ZFYVE27: variants seen among roughly 807,000 people sequenced by gnomAD.
ZFYVE27 encodes zinc finger FYVE-type containing 27.
Under a neutral mutation model 52.8 loss-of-function variants are expected in ZFYVE27, and 36 were observed. The observed-to-expected ratio is 0.68, with a 90% CI of 0.52 to 0.90. The LOEUF (loss-of-function observed/expected upper bound fraction) is 0.90, where lower values mean the gene tolerates loss of function less well. Ranked by LOEUF, ZFYVE27 falls within the 40% of genes least tolerant of loss-of-function variation. The pLI is 0.00. For missense variants in ZFYVE27, 450 were observed against 527.2 expected (o/e 0.85, Z 1.43); for synonymous variants, 223 against 215.6 (o/e 1.03, Z -0.30).
At chr10:97,754,834 C>A in intron 10 of ZFYVE27, 4 of 1,288,462 alleles carry the variant, frequency 3.1e-6, no homozygotes, top group Non-Finnish European at 4.0e-6. Flanking sequence ...AATAATTTGT[C>A]TATTTCTACA....
intron 2 of ZFYVE27, among the ~76,000 whole-genome samples, chr10:97,740,750 G>A (rs1014431543): frequency 5.3e-5 from 8 of 152,170 alleles, no homozygotes; most frequent in Non-Finnish European, 1.2e-4. Flanking sequence ...GTTAGTTTGT[G>A]CTTTTGATTG....
At chr10:97,748,183 C>T in intron 4 of ZFYVE27, 86 bp from the exon 5 acceptor site, 3 of 1,234,854 alleles carry the variant, frequency 2.4e-6, no homozygotes, top group East Asian at 4.7e-5. Context: ...GATTGACCAT[C>T]CCTAGCCAAC....
intron 11 of ZFYVE27, 124 bp from the exon 12 acceptor site, chr10:97,757,518 C>T (rs942613639): frequency 4.6e-6 from 6 of 1,305,842 alleles, no homozygotes; most frequent in African/African-American, 4.4e-5. Flanking sequence ...CTTTCCTGCT[C>T]CACTTGGGCA....
chr10:97,746,442 C>T (rs970748419), intron 4 of ZFYVE27, among the ~76,000 whole-genome samples: 3 of 152,152 alleles, frequency 2.0e-5, no homozygotes, highest in Admixed American at 1.3e-4. Flanking sequence ...ATGTTGGCTT[C>T]GTCTATCTCT....
chr10:97,745,787 T>C (rs1049153612), intron 4 of ZFYVE27, among the ~76,000 whole-genome samples: 2 of 152,218 alleles, frequency 1.3e-5, no homozygotes, highest in East Asian at 3.9e-4. Flanking sequence ...GAGGAAGCAT[T>C]TTAAGACTTG....
chr10:97,747,056 A>AT (rs1338544205), intron 4 of ZFYVE27, among the ~76,000 whole-genome samples: 5 of 152,060 alleles, frequency 3.3e-5, no homozygotes, highest in Admixed American at 1.3e-4. Flanking sequence ...ATCATGTTTA[A>AT]TTTTTTTATG....
At chr10:97,754,066 C>T (rs767206546) in intron 10 of ZFYVE27, among the ~76,000 whole-genome samples, 2 of 152,118 alleles carry the variant, frequency 1.3e-5, no homozygotes, top group Non-Finnish European at 2.9e-5. Flanking sequence ...AGGAAGGGCC[C>T]TCCTGCCTGC....
chr10:97,760,540 A>C lies in ZFYVE27; in HGVS notation c.*1240A>C, dbSNP rs1463152539. The C allele has an allele frequency of 6.6e-6, 1 of 152,324 alleles. No homozygotes were observed. The highest frequency in any genetic ancestry group is 1.5e-5 in the Non-Finnish European group (1 of 68,188). The allele number at this position is 152,324 out of a possible 1,614,324, so 9.4% of individuals were successfully genotyped here. ...AATTGGGGGTGGGGGTCTTCTACCTAGGACTCTTCCCTGGAGTCATGGGCT... is the reference window on the plus strand; with the variant it reads ...AATTGGGGGTGGGGGTCTTCTACCTCGGACTCTTCCCTGGAGTCATGGGCT... On this transcript the variant is annotated 3_prime_UTR_variant, in exon 13 of 13. Coordinates refer to ENST00000684270, the MANE Select transcript of ZFYVE27 (RefSeq NM_001385875.1).
In ZFYVE27 at chr10:97,759,413, C is replaced by G; in HGVS notation, c.*113C>G. 9.3e-7 allele frequency: 1 copy of G among 1,078,752 alleles called. No individual in the cohort carries two copies. The highest frequency in any genetic ancestry group is 2.5e-5 in the East Asian group (1 of 40,788). 66.8% of individuals were successfully genotyped at this position (1,078,752 alleles called of 1,614,324 possible). On this transcript the variant is annotated 3_prime_UTR_variant, in exon 13 of 13. Coordinates refer to ENST00000684270, the MANE Select transcript of ZFYVE27 (RefSeq NM_001385875.1). The stretch of plus-strand genomic sequence containing the variant: ...GTGCTGGGCAAATGTGGCCTGAATG[C>G]TAGGTAGGCTTCCCCTTCCTTCCTC...
rs2136444631 is a variant in ZFYVE27 at position 97,759,712 on chromosome 10, C to T, written c.*412C>T. On this transcript the variant is annotated 3_prime_UTR_variant, in exon 13 of 13. Transcript: ENST00000684270. ...TGAGGTTGGGAAAAGAGGTTTTTCT[C>T]CTGCAGGGTACTGGGCCAGGCCCTC... The T allele has an allele frequency of 3.3e-6, 1 of 301,698 alleles. No homozygotes were observed. The highest frequency in any genetic ancestry group is 3.2e-5 in the South Asian group (1 of 30,924). 18.7% of individuals were successfully genotyped at this position (301,698 alleles called of 1,614,324 possible).
Position 97,757,710 on chromosome 10 carries a change from C to T in ZFYVE27, c.1158C>T (p.Ser386=). 6.2e-7 allele frequency: 1 copy of T among 1,614,200 alleles called. No homozygotes were observed. Among genetic ancestry groups the T allele is most frequent in the Non-Finnish European group, 8.5e-7 (1 of 1,180,028 alleles). ...RCCSFKVPKS[S]MGATAPEAQR... The stretch of plus-strand genomic sequence containing the variant: ...GCTCCTTCAAGGTGCCCAAGTCCTC[C>T]ATGGGGGCCACAGGTGAGTGGTGCA... The change falls in exon 12 of 13, where the codon TCC becomes TCT. Residue 386 remains serine (S), a synonymous_variant. Transcript: ENST00000684270.
At chr10:97,754,608 C>T in intron 10 of ZFYVE27, 3 of 1,268,218 alleles carry the variant, frequency 2.4e-6, no homozygotes, top group Non-Finnish European at 3.1e-6. Flanking sequence ...AGCCACCACG[C>T]CCGGCCCCTT....
intron 2 of ZFYVE27, among the ~76,000 whole-genome samples, chr10:97,741,338 A>G (rs1056970466): frequency 6.6e-6 from 1 of 152,238 alleles, no homozygotes; most frequent in African/African-American, 2.4e-5. Flanking sequence ...CACTATTCAC[A>G]ATAGCAAAGA....
intron 5 of ZFYVE27, 82 bp from the exon 6 acceptor site, chr10:97,749,392 G>T: frequency 9.9e-7 from 1 of 1,005,144 alleles, no homozygotes; most frequent in Admixed American, 1.7e-5. Context: ...GTCTCACCTG[G>T]ACCCTGCTGT....
intron 10 of ZFYVE27, among the ~76,000 whole-genome samples, chr10:97,756,340 C>T (rs1173390057): frequency 6.6e-6 from 1 of 152,158 alleles, no homozygotes; most frequent in African/African-American, 2.4e-5. Flanking sequence ...AGAGGTCTTC[C>T]TTTCCCTGAA....
intron 5 of ZFYVE27, among the ~76,000 whole-genome samples, chr10:97,748,777 C>A (rs1157076537): frequency 6.6e-6 from 1 of 152,132 alleles, no homozygotes; most frequent in East Asian, 1.9e-4. Context: ...ATTTATAATA[C>A]CAGATTAATA....
intron 7 of ZFYVE27, 120 bp downstream of exon 7, chr10:97,750,590 C>A: frequency 7.5e-7 from 1 of 1,340,228 alleles, no homozygotes; most frequent in Non-Finnish European, 1.0e-6. Context: ...CAGGCCTTAA[C>A]TCCCCTGAAG....
intron 10 of ZFYVE27, chr10:97,754,780 T>A (rs938931994): frequency 1.6e-5 from 21 of 1,289,308 alleles, no homozygotes; most frequent in South Asian, 2.5e-5. Flanking sequence ...ATTCCAGCAG[T>A]GCCCGGTAAC....
chr10:97,749,917 C>A, intron 6 of ZFYVE27: 1 of 415,674 alleles, frequency 2.4e-6, no homozygotes, highest in Non-Finnish European at 4.5e-6. Flanking sequence ...TGGGGTGCAG[C>A]CACCTGGAGT....
Sources: allele counts gnomAD v4.1 joint callset (sites outside exome capture counted in the v4.1 genomes callset), GRCh38; gene constraint gnomAD v4.1.1; transcripts MANE v1.5; gene names NCBI Gene and HGNC (gene_info 2026-07-23, HGNC 2026-07-21).